ZFPM2: variants seen among roughly 807,000 people sequenced by gnomAD.
ZFPM2 encodes zinc finger protein, FOG family member 2.
In ZFPM2, 20 loss-of-function variants were observed where a neutral mutation model predicts 98.6. The observed-to-expected ratio is 0.20, with a 90% confidence interval of 0.14 to 0.29. The LOEUF (loss-of-function observed/expected upper bound fraction) is 0.29. Among genes scored for constraint, ZFPM2 ranks in the 10% least tolerant of loss-of-function variants. The pLI, the probability that ZFPM2 is intolerant of heterozygous loss-of-function variation, is 1.00. For missense variants in ZFPM2, 1,310 were observed against 1,388.6 expected (o/e 0.94, Z 0.90); for synonymous variants, 518 against 502.7 (o/e 1.03, Z -0.41).
intron 3 of ZFPM2, among the ~76,000 whole-genome samples, chr8:105,549,568 T>C (rs1252649312): frequency 7.3e-6 from 1 of 136,844 alleles, no homozygotes; most frequent in Non-Finnish European, 1.6e-5. Context: ...CCTTTCTTCC[T>C]TCCATCCTTC....
chr8:105,696,023 A>G (rs1191359893), intron 5 of ZFPM2, among the ~76,000 whole-genome samples: 2 of 152,208 alleles, frequency 1.3e-5, no homozygotes, highest in South Asian at 2.1e-4. Context: ...TTCCATAACT[A>G]TGAATCTTGT....
intron 4 of ZFPM2, among the ~76,000 whole-genome samples, chr8:105,620,548 T>G (rs1816517578): frequency 6.6e-6 from 1 of 152,192 alleles, no homozygotes; most frequent in Admixed American, 6.5e-5. Context: ...TAGATCCCAT[T>G]TGTCTATTTT....
At chr8:105,456,599 C>T (rs1477153052) in intron 3 of ZFPM2, among the ~76,000 whole-genome samples, 2 of 152,110 alleles carry the variant, frequency 1.3e-5, no homozygotes, top group Admixed American at 6.6e-5. Context: ...TATTAAACTA[C>T]TCTGAATCTA....
At chr8:105,497,139 C>T (rs1328632150) in intron 3 of ZFPM2, among the ~76,000 whole-genome samples, 2 of 151,926 alleles carry the variant, frequency 1.3e-5, no homozygotes, top group Admixed American at 6.6e-5. Context: ...GTGCCCACCA[C>T]CATACCCAGC....
intron 1 of ZFPM2, among the ~76,000 whole-genome samples, chr8:105,371,631 A>T (rs1810623646): frequency 1.3e-5 from 2 of 152,232 alleles, no homozygotes; most frequent in Non-Finnish European, 2.9e-5. Flanking sequence ...GGAAATTTGT[A>T]AATGAACAGG....
chr8:105,338,197 A>G (rs1259190903), intron 1 of ZFPM2, among the ~76,000 whole-genome samples: 1 of 151,772 alleles, frequency 6.6e-6, no homozygotes, highest in Non-Finnish European at 1.5e-5. Context: ...TTCACTATGC[A>G]TAGAGATATT....
At chr8:105,361,900 T>C (rs1297001276) in intron 1 of ZFPM2, among the ~76,000 whole-genome samples, 1 of 152,100 alleles carries the variant, frequency 6.6e-6, no homozygotes, top group African/African-American at 2.4e-5. Context: ...ACCTACACTA[T>C]TTATATAATA....
intron 6 of ZFPM2, chr8:105,795,831 C>G (rs1005484813): frequency 2.1e-6 from 1 of 481,688 alleles, no homozygotes; most frequent in African/African-American, 2.0e-5. Flanking sequence ...TGATTTTTAT[C>G]TAGCTCTATG....
intron 3 of ZFPM2, among the ~76,000 whole-genome samples, chr8:105,545,959 C>A (rs1269142626): frequency 6.6e-6 from 1 of 151,946 alleles, no homozygotes; most frequent in East Asian, 1.9e-4. Flanking sequence ...AATGGGTGAC[C>A]CACCTTTGAT....
At chr8:105,497,963 G>A (rs1455332644) in intron 3 of ZFPM2, among the ~76,000 whole-genome samples, 2 of 151,178 alleles carry the variant, frequency 1.3e-5, no homozygotes, top group Non-Finnish European at 2.9e-5. Flanking sequence ...GAGGTGGGAG[G>A]GTCACTTGAG....
intron 3 of ZFPM2, among the ~76,000 whole-genome samples, chr8:105,505,868 A>G (rs986739450): frequency 6.6e-6 from 1 of 152,196 alleles, no homozygotes; most frequent in Non-Finnish European, 1.5e-5. Flanking sequence ...AAAATATGAC[A>G]TAAAATGTAT....
chr8:105,750,250 C>A (rs1812445193), intron 5 of ZFPM2, among the ~76,000 whole-genome samples: 1 of 151,958 alleles, frequency 6.6e-6, no homozygotes, highest in Non-Finnish European at 1.5e-5. Flanking sequence ...AGAATGGTTG[C>A]AAATAGTTAT....
intron 2 of ZFPM2, 95 bp downstream of exon 2, chr8:105,419,397 A>G: frequency 1.4e-6 from 2 of 1,427,958 alleles, no homozygotes; most frequent in Non-Finnish European, 1.9e-6. Context: ...GTGCTGACAC[A>G]TAATTCAGCC....
At chr8:105,393,330 C>CTGTCTTTCTTTCTT (rs1245789213) in intron 1 of ZFPM2, among the ~76,000 whole-genome samples, 6 of 132,914 alleles carry the variant, frequency 4.5e-5, no homozygotes, top group Middle Eastern at 3.7e-3. Flanking sequence ...CCCTCTCTCT[C>CTGTCTTTCTTTCTT]TCTTTGCCTT....
intron 3 of ZFPM2, among the ~76,000 whole-genome samples, chr8:105,456,988 T>C (rs1401106778): frequency 6.6e-6 from 1 of 152,222 alleles, no homozygotes; most frequent in South Asian, 2.1e-4. Context: ...TTTCAACCTT[T>C]GTCTCTCAAT....
At chr8:105,664,407 C>G (rs1208396536) in intron 5 of ZFPM2, among the ~76,000 whole-genome samples, 1 of 151,856 alleles carries the variant, frequency 6.6e-6, no homozygotes, top group East Asian at 1.9e-4. Flanking sequence ...ACAATCTCAG[C>G]TCACTGCAAC....
chr8:105,358,784 A>C (rs1586314823), intron 1 of ZFPM2: 1 of 152,182 alleles, frequency 6.6e-6, no homozygotes, highest in African/African-American at 2.4e-5. Flanking sequence ...GTGAAACCCC[A>C]TCTCTACTAA....
At chr8:105,530,553 A>G (rs538924062) in intron 3 of ZFPM2, among the ~76,000 whole-genome samples, 2 of 152,300 alleles carry the variant, frequency 1.3e-5, no homozygotes, top group Non-Finnish European at 2.9e-5. Flanking sequence ...CTGTGTCCAC[A>G]CATGGCCTTT....
intron 4 of ZFPM2, among the ~76,000 whole-genome samples, chr8:105,598,066 CTT>C (rs76865028): frequency 0.011 from 1,387 of 130,132 alleles, 16 homozygotes; most frequent in African/African-American, 0.036. Context: ...AAAAAAAAAC[CTT>C]TTTTTTTTTT....
Sources: gnomAD v4.1 joint callset for allele counts (sites outside exome capture counted in the v4.1 genomes callset) on GRCh38, gnomAD v4.1.1 for gene constraint, MANE v1.5 for transcripts, NCBI Gene and HGNC (gene_info 2026-07-23, HGNC 2026-07-21) for gene names.